TRIB3: variants seen among roughly 807,000 people sequenced by gnomAD.
The protein encoded by TRIB3 is tribbles homolog 3.
A neutral mutation model predicts 16.6 loss-of-function variants in TRIB3; 20 were observed. The observed-to-expected ratio is 1.20, with a 90% CI of 0.85 to 1.75. The LOEUF (loss-of-function observed/expected upper bound fraction) is 1.75. TRIB3 is among the 40% of genes most tolerant of loss of function. The pLI, the probability that TRIB3 is intolerant of heterozygous loss-of-function variation, is 0.00. For synonymous variants in TRIB3, 208 were observed against 217.0 expected (o/e 0.96, Z 0.36); for missense variants, 484 against 488.9 (o/e 0.99, Z 0.10).
intron 1 of TRIB3, among the ~76,000 whole-genome samples, chr20:384,519 ATG>A (rs2014747645): frequency 6.6e-6 from 1 of 152,064 alleles, no homozygotes; most frequent in African/African-American, 2.4e-5. Flanking sequence ...ATGCACCACC[ATG>A]CCCACCTAAT....
rs187050924 is a variant in TRIB3, at chr20:397,223, C to T, written c.*533C>T. Reference sequence around the variant, plus strand: ...CCAGCTCACTCTGGGAACTGTGTTCCCAGCATCTCTGTCCTCTTGATTAAG... The same window carrying T: ...CCAGCTCACTCTGGGAACTGTGTTCTCAGCATCTCTGTCCTCTTGATTAAG... On this transcript the variant is annotated 3_prime_UTR_variant, in exon 4 of 4. Transcript: ENST00000217233. 6.5e-6 allele frequency: 1 copy of T among 154,568 alleles called. No individual in the cohort carries two copies. The highest frequency in any genetic ancestry group is 1.9e-4 in the East Asian group (1 of 5,208). The allele number at this position is 154,568 out of a possible 1,614,324, so 9.6% of individuals were successfully genotyped here.
chr20:388,584 A>T (rs2014888665), intron 2 of TRIB3, among the ~76,000 whole-genome samples: 1 of 152,138 alleles, frequency 6.6e-6, no homozygotes, highest in South Asian at 2.1e-4. Context: ...GAAGTTAGCC[A>T]GGTAGAAGTG....
intron 2 of TRIB3, among the ~76,000 whole-genome samples, chr20:388,773 C>A (rs1006540576): frequency 5.3e-5 from 8 of 152,150 alleles, no homozygotes; most frequent in African/African-American, 1.9e-4. Flanking sequence ...GGGGCCTCCA[C>A]TGGGCTGTGC....
chr20:383,531 C>T (rs1395604888), intron 1 of TRIB3, among the ~76,000 whole-genome samples: 1 of 152,186 alleles, frequency 6.6e-6, no homozygotes, highest in Admixed American at 6.6e-5. Context: ...AAGCCTTTAC[C>T]TTCTGGGCTC....
rs1432718873 is a variant in TRIB3 at position 380,902 on chromosome 20, C to G, written c.-268C>G. The G allele has an allele frequency of 9.1e-6, 1 of 109,876 alleles. No individual in the cohort carries two copies. The highest frequency in any genetic ancestry group is 1.8e-5 in the Non-Finnish European group (1 of 55,232). The allele number at this position is 109,876 out of a possible 1,614,324, so 6.8% of individuals were successfully genotyped here. A position where few individuals can be genotyped will look rare whatever the true frequency, so the allele number is the denominator to read the frequency against. On this transcript the variant is annotated 5_prime_UTR_variant, in exon 1 of 4. Transcript: ENST00000217233. Reference sequence around the variant, plus strand: ...CTGATTAGCTCCGGTTTGCATCACCCGGACCGGGGGATTAGCTCCGGTTTG... The same window carrying G: ...CTGATTAGCTCCGGTTTGCATCACCGGGACCGGGGGATTAGCTCCGGTTTG...
Position 392,826 on chromosome 20 carries a change from G to A in TRIB3, c.584+1247G>A, listed in dbSNP as rs757960823. ...GCCTGCCTCGGCCTCCCAAAGTGCT[G>A]GGATTACAGGTGTGAGGTACTGCAC... On this transcript the variant is annotated intron_variant, in intron 3 of 3. Transcript: ENST00000217233. Among the ~76,000 whole-genome samples the A allele has an allele frequency of 2.4e-4, 36 of 152,232 alleles. 1 individual carries two copies. The highest frequency in any genetic ancestry group is 1.9e-3 in the East Asian group (10 of 5,186).
At position 395,873 on chromosome 20, in the gene TRIB3, G is replaced by T. The variant is rs549997625; in HGVS notation, c.585-325G>T. 2.0e-5 allele frequency among the ~76,000 whole-genome samples: 3 copies of T among 152,272 alleles called. No individual in the cohort carries two copies. The South Asian group carries it at 6.2e-4, about 32-fold the overall frequency. On this transcript the variant is annotated intron_variant, in intron 3 of 3. Transcript: ENST00000217233. Reference sequence around the variant, plus strand: ...TCCTGTTTCTCTCATCTTATTACCTGCCTGGACCCTAAGTTTGTAGCTGGT... The same window carrying T: ...TCCTGTTTCTCTCATCTTATTACCTTCCTGGACCCTAAGTTTGTAGCTGGT...
intron 2 of TRIB3, among the ~76,000 whole-genome samples, chr20:389,116 T>G (rs1302595825): frequency 2.0e-5 from 3 of 152,220 alleles, no homozygotes; most frequent in Non-Finnish European, 4.4e-5. Flanking sequence ...GTATTCACTG[T>G]GCACCAGGTA....
rs1381698288 is a variant in TRIB3 at position 380,929 on chromosome 20, ATCACCCGGACCGGGGGATTAGCTCC to A, written c.-240_-216del. 1.5e-4 allele frequency: 23 copies of A among 149,388 alleles called. No homozygotes were observed. Among genetic ancestry groups the A allele is most frequent in the African/African-American group, 4.3e-4 (17 of 39,328 alleles). 9.3% of individuals were successfully genotyped at this position (149,388 alleles called of 1,614,324 possible). Reference sequence around the variant, plus strand: ...GACCGGGGGATTAGCTCCGGTTTGCATCACCCGGACCGGGGGATTAGCTCCGGTTTGCATCACCCGGACCGGGGGC... The same window carrying A: ...GACCGGGGGATTAGCTCCGGTTTGCAGGTTTGCATCACCCGGACCGGGGGC... On this transcript the variant is annotated 5_prime_UTR_variant, in exon 1 of 4. The change abolishes the stop of an existing upstream ORF in the 5' untranslated region. Transcript: ENST00000217233.
rs997822787 is a variant in TRIB3 at position 388,157 on chromosome 20, C to T, written c.147C>T (p.Pro49=). 21 of 1,613,958 alleles carry T rather than the reference C, an allele frequency of 1.3e-5. No individual in the cohort carries two copies. The highest frequency in any genetic ancestry group is 1.8e-5 in the Non-Finnish European group (21 of 1,180,032). ...PQPRLPPCLL[P]LSPPTAPDRA... ...CCAGACTGCCCCCCTGCCTGTTGCC[C>T]CTGAGCCCACCTACTGCTCCAGATC... The change falls in exon 2 of 4, where the codon CCC becomes CCT. Residue 49 remains proline, a synonymous_variant. Coordinates refer to ENST00000217233, the MANE Select transcript of TRIB3 (RefSeq NM_021158.5).
intron 3 of TRIB3, among the ~76,000 whole-genome samples, chr20:395,083 T>C (rs539279130): frequency 3.3e-5 from 5 of 151,834 alleles, no homozygotes; most frequent in African/African-American, 1.2e-4. Context: ...GCAGTGGTAA[T>C]AGAATGATTA....
At position 396,814 on chromosome 20, in the gene TRIB3, C is replaced by T; in HGVS notation, c.*124C>T. The T allele has an allele frequency of 7.1e-7, 1 of 1,408,912 alleles. No individual in the cohort carries two copies. The highest frequency in any genetic ancestry group is 1.4e-5 in the South Asian group (1 of 72,038). The allele number at this position is 1,408,912 out of a possible 1,614,324, so 87.3% of individuals were successfully genotyped here. ...TTCCAGAAGGGAGAAAGGCAGAAGC[C>T]TGTGTGGAGTGTGCTGTGTACACAT... On this transcript the variant is annotated 3_prime_UTR_variant, in exon 4 of 4. Coordinates refer to ENST00000217233, the MANE Select transcript of TRIB3 (RefSeq NM_021158.5).
intron 3 of TRIB3, among the ~76,000 whole-genome samples, chr20:393,725 AG>A (rs2015041958): frequency 6.6e-6 from 1 of 152,210 alleles, no homozygotes; most frequent in Non-Finnish European, 1.5e-5. Context: ...ATTTTTGGCA[AG>A]AACAACACAG....
At position 397,456 on chromosome 20, in the gene TRIB3, T is replaced by A. The variant is rs2015159283; in HGVS notation, c.*766T>A. The A allele has an allele frequency of 1.3e-5, 2 of 152,226 alleles. No individual in the cohort carries two copies. The highest frequency in any genetic ancestry group is 6.5e-5 in the Admixed American group (1 of 15,280). 9.4% of individuals were successfully genotyped at this position (152,226 alleles called of 1,614,324 possible). On this transcript the variant is annotated 3_prime_UTR_variant, in exon 4 of 4. Coordinates refer to ENST00000217233, the MANE Select transcript of TRIB3 (RefSeq NM_021158.5). Reference sequence around the variant, plus strand: ...CCTGGAAAGTCCCAGGTGGGACTCTTCTGGGGACACTTGGGGTCCACAATC... The same window carrying A: ...CCTGGAAAGTCCCAGGTGGGACTCTACTGGGGACACTTGGGGTCCACAATC...
chr20:396,943 C>T lies in TRIB3; in HGVS notation c.*253C>T. 4.2e-6 allele frequency: 2 copies of T among 478,118 alleles called. No homozygotes were observed. The highest frequency in any genetic ancestry group is 7.4e-6 in the Non-Finnish European group (2 of 270,346). The allele number at this position is 478,118 out of a possible 1,614,324, so 29.6% of individuals were successfully genotyped here. On this transcript the variant is annotated 3_prime_UTR_variant, in exon 4 of 4. Coordinates refer to ENST00000217233, the MANE Select transcript of TRIB3 (RefSeq NM_021158.5). Reference sequence around the variant, plus strand: ...AGCAGTGAGCAAAGGAGACAATATTCCCTGCTCACAGAGATGACAAACTGG... The same window carrying T: ...AGCAGTGAGCAAAGGAGACAATATTTCCTGCTCACAGAGATGACAAACTGG...
intron 1 of TRIB3, among the ~76,000 whole-genome samples, chr20:383,326 G>A (rs957105342): frequency 5.9e-5 from 9 of 152,166 alleles, no homozygotes; most frequent in African/African-American, 2.2e-4. Flanking sequence ...TCTGTCAAAA[G>A]GGCTGCAGGA....
intron 1 of TRIB3, chr20:382,435 C>T: frequency 8.3e-7 from 1 of 1,199,672 alleles, no homozygotes; most frequent in Non-Finnish European, 1.2e-6. Context: ...CTGCACAGGG[C>T]ACAAAGCATG....
intron 2 of TRIB3, among the ~76,000 whole-genome samples, chr20:391,001 CAAAA>C (rs11374668): frequency 8.2e-5 from 7 of 85,784 alleles, no homozygotes; most frequent in Admixed American, 2.7e-4. Flanking sequence ...GACTCCGTCT[CAAAA>C]AAAAAAAAAA....
At position 397,031 on chromosome 20, in the gene TRIB3, G is replaced by C. The variant is rs1205467846; in HGVS notation, c.*341G>C. ...TCACTGTCTACACTGGGTACACTTT[G>C]TACCAGTGTCGGCCTCCACTGATGC... On this transcript the variant is annotated 3_prime_UTR_variant, in exon 4 of 4. Transcript: ENST00000217233. 2 of 248,344 alleles carry C rather than the reference G, an allele frequency of 8.1e-6. No individual in the cohort carries two copies. The highest frequency in any genetic ancestry group is 8.4e-5 in the East Asian group (1 of 11,954). The allele number at this position is 248,344 out of a possible 1,614,324, so 15.4% of individuals were successfully genotyped here.
Sources: allele counts gnomAD v4.1 joint callset (sites outside exome capture counted in the v4.1 genomes callset), GRCh38; gene constraint gnomAD v4.1.1; transcripts MANE v1.5; gene names NCBI Gene and HGNC (gene_info 2026-07-23, HGNC 2026-07-21).